Variants in UNC5D observed in about 807,000 individuals in gnomAD.
UNC5D encodes the protein unc-5 netrin receptor D.
UNC5D carries 39 observed loss-of-function variants against 105.4 expected under a neutral mutation model. The observed-to-expected ratio is 0.37, with a 90% CI of 0.29 to 0.48. The LOEUF is 0.48. UNC5D is among the 20% of genes least tolerant of loss of function. The pLI is 0.98. For missense variants in UNC5D, 991 were observed against 1,202.4 expected, an observed-to-expected ratio of 0.82 and a Z score of 2.60; for synonymous variants, 452 against 450.4, an observed-to-expected ratio of 1.00 and a Z score of -0.04.
intron 1 of UNC5D, among the ~76,000 whole-genome samples, chr8:35,407,346 TAA>T (rs368131972): frequency 6.7e-6 from 1 of 148,244 alleles, no homozygotes. Flanking sequence ...TTAGTATAAG[TAA>T]AAAAAAAACA....
intron 1 of UNC5D, among the ~76,000 whole-genome samples, chr8:35,296,691 G>T (rs1258642163): frequency 3.3e-5 from 5 of 152,152 alleles, no homozygotes; most frequent in Non-Finnish European, 7.3e-5. Context: ...AAAGTGCTGG[G>T]ATTGCAGGCA....
chr8:35,656,600 T>C (rs1043991225), intron 4 of UNC5D, among the ~76,000 whole-genome samples: 5 of 152,158 alleles, frequency 3.3e-5, no homozygotes, highest in Admixed American at 1.3e-4. Flanking sequence ...GTCACTTCCA[T>C]TGAACCTCCG....
chr8:35,497,898 C>T (rs917099520), intron 1 of UNC5D, among the ~76,000 whole-genome samples: 3 of 151,620 alleles, frequency 2.0e-5, no homozygotes, highest in South Asian at 2.1e-4. Flanking sequence ...GGAGAAACCC[C>T]GTCTCTGCTA....
intron 1 of UNC5D, among the ~76,000 whole-genome samples, chr8:35,403,374 A>G (rs897841028): frequency 6.6e-6 from 1 of 152,220 alleles, no homozygotes; most frequent in African/African-American, 2.4e-5. Context: ...TTAGAGTTTC[A>G]GTCCTCCTCA....
At chr8:35,332,934 G>A (rs1810735576) in intron 1 of UNC5D, among the ~76,000 whole-genome samples, 1 of 152,196 alleles carries the variant, frequency 6.6e-6, no homozygotes, top group African/African-American at 2.4e-5. Context: ...TCTGAGTGGG[G>A]TGAACATACA....
At chr8:35,311,381 T>C (rs572040392) in intron 1 of UNC5D, among the ~76,000 whole-genome samples, 2 of 152,224 alleles carry the variant, frequency 1.3e-5, no homozygotes, top group East Asian at 3.9e-4. Context: ...TAGTCAAAAG[T>C]TCAGGCTCAG....
At chr8:35,510,530 A>T (rs1252527510) in intron 1 of UNC5D, among the ~76,000 whole-genome samples, 1 of 152,082 alleles carries the variant, frequency 6.6e-6, no homozygotes, top group African/African-American at 2.4e-5. Context: ...TTCATTGCTG[A>T]GGTTGTAATA....
intron 14 of UNC5D, among the ~76,000 whole-genome samples, chr8:35,760,636 T>C (rs2131683697): frequency 6.6e-6 from 1 of 152,300 alleles, no homozygotes; most frequent in African/African-American, 2.4e-5. Flanking sequence ...AAGGACAGGA[T>C]ATTTCCTTCA....
intron 1 of UNC5D, among the ~76,000 whole-genome samples, chr8:35,286,619 G>C (rs1259644342): frequency 6.6e-6 from 1 of 152,182 alleles, no homozygotes. Context: ...GCAGTGAAGA[G>C]ATGATCCAAC....
intron 1 of UNC5D, among the ~76,000 whole-genome samples, chr8:35,536,432 AAAG>A (rs1271837103): frequency 4.6e-5 from 7 of 152,240 alleles, no homozygotes; most frequent in Admixed American, 3.3e-4. Flanking sequence ...TTTGTTGTAA[AAAG>A]AAGGTCATCT....
chr8:35,710,934 C>CTTTTTTTTTTTTTTTTTTTTTTTT (rs775014566), intron 8 of UNC5D, among the ~76,000 whole-genome samples: 8 of 114,374 alleles, frequency 7.0e-5, no homozygotes, highest in African/African-American at 3.2e-4. Context: ...CAGCATTATT[C>CTTTTTTTTTTTTTTTTTTTTTTTT]TTTTTTTTTT....
rs981121584 is a variant in UNC5D, at chr8:35,794,163, C to T, written c.*3600C>T. On this transcript the variant is annotated 3_prime_UTR_variant, in exon 17 of 17. Coordinates refer to ENST00000404895, the MANE Select transcript of UNC5D (RefSeq NM_080872.4). ...AAATGTTATAAAATCTCTTGATATG[C>T]TTTTGTTTTTCCTTTTAGCCATTTT... 6.6e-6 allele frequency: 1 copy of T among 152,108 alleles called. No individual in the cohort carries two copies. The highest frequency in any genetic ancestry group is 1.5e-5 in the Non-Finnish European group (1 of 68,016). 9.4% of individuals were successfully genotyped at this position (152,108 alleles called of 1,614,324 possible).
intron 4 of UNC5D, among the ~76,000 whole-genome samples, chr8:35,599,683 A>G (rs1391227278): frequency 6.6e-6 from 1 of 152,266 alleles, no homozygotes; most frequent in Admixed American, 6.5e-5. Context: ...TCTTTCTCTC[A>G]TGATTGGGTA....
intron 4 of UNC5D, among the ~76,000 whole-genome samples, chr8:35,619,322 G>T (rs1292098136): frequency 6.6e-6 from 1 of 152,186 alleles, no homozygotes; most frequent in African/African-American, 2.4e-5. Flanking sequence ...CAGTCAAGAA[G>T]CAAGATCGGC....
intron 1 of UNC5D, among the ~76,000 whole-genome samples, chr8:35,289,040 T>G (rs1213967499): frequency 2.0e-5 from 3 of 152,070 alleles, no homozygotes; most frequent in Non-Finnish European, 4.4e-5. Context: ...GTGTAAATTC[T>G]TCAATGAAAT....
At chr8:35,247,009 T>C (rs1442527399) in intron 1 of UNC5D, among the ~76,000 whole-genome samples, 1 of 152,082 alleles carries the variant, frequency 6.6e-6, no homozygotes, top group Admixed American at 6.6e-5. Context: ...AAAAAAGGTG[T>C]TGAGGAGTGA....
chr8:35,387,454 CATAG>C (rs1803484891), intron 1 of UNC5D, among the ~76,000 whole-genome samples: 1 of 151,824 alleles, frequency 6.6e-6, no homozygotes, highest in South Asian at 2.1e-4. Flanking sequence ...AAGCAGTTTT[CATAG>C]ATAAACTTCC....
At chr8:35,410,585 T>A (rs892436025) in intron 1 of UNC5D, among the ~76,000 whole-genome samples, 3 of 152,088 alleles carry the variant, frequency 2.0e-5, no homozygotes, top group African/African-American at 7.2e-5. Flanking sequence ...TCAGTGATTA[T>A]AAAATTTTAT....
intron 1 of UNC5D, among the ~76,000 whole-genome samples, chr8:35,336,767 C>G (rs1200941958): frequency 6.6e-6 from 1 of 151,076 alleles, no homozygotes; most frequent in Non-Finnish European, 1.5e-5. Flanking sequence ...AAACACAAAG[C>G]CCAGATAGAC....
Sources: allele counts gnomAD v4.1 joint callset (sites outside exome capture counted in the v4.1 genomes callset), GRCh38; gene constraint gnomAD v4.1.1; transcripts MANE v1.5; gene names NCBI Gene and HGNC (gene_info 2026-07-23, HGNC 2026-07-21).